Variants in MINDY4 observed in about 807,000 individuals in gnomAD.
MINDY4 encodes the protein probable ubiquitin carboxyl-terminal hydrolase MINDY-4.
A neutral mutation model predicts 87.0 loss-of-function variants in MINDY4; 68 were observed. That is an observed-to-expected ratio of 0.78 (90% CI 0.64 to 0.96). MINDY4 has a LOEUF of 0.96. Ranked by LOEUF, MINDY4 falls within the 40% of genes least tolerant of loss-of-function variation. The pLI, the probability that MINDY4 is intolerant of heterozygous loss-of-function variation, is 0.00. For synonymous variants in MINDY4, 379 were observed against 363.2 expected (o/e 1.04, Z -0.50); for missense variants, 919 against 928.2 (o/e 0.99, Z 0.13).
intron 9 of MINDY4, among the ~76,000 whole-genome samples, chr7:30,841,187 C>T (rs755417188): frequency 3.3e-5 from 5 of 152,186 alleles, no homozygotes; most frequent in Admixed American, 1.3e-4. Context: ...CGACTGCGTC[C>T]GGGCCTCCCT....
At chr7:30,784,542 C>T (rs564233869) in intron 3 of MINDY4, among the ~76,000 whole-genome samples, 4 of 152,316 alleles carry the variant, frequency 2.6e-5, no homozygotes, top group South Asian at 4.1e-4. Flanking sequence ...CTGGCCATGC[C>T]GCTATCCTGC....
At chr7:30,805,886 C>T (rs1269162534) in intron 5 of MINDY4, among the ~76,000 whole-genome samples, 1 of 152,130 alleles carries the variant, frequency 6.6e-6, no homozygotes, top group Non-Finnish European at 1.5e-5. Flanking sequence ...GTTTGTGAGC[C>T]ATGTTTGCAC....
intron 9 of MINDY4, among the ~76,000 whole-genome samples, chr7:30,841,944 C>A (rs1289568684): frequency 6.6e-6 from 1 of 152,146 alleles, no homozygotes; most frequent in African/African-American, 2.4e-5. Context: ...AGGTGTTACC[C>A]AGACAACAAG....
chr7:30,887,160 C>T (rs1249798142), intron 17 of MINDY4, among the ~76,000 whole-genome samples: 2 of 152,198 alleles, frequency 1.3e-5, no homozygotes, highest in Non-Finnish European at 2.9e-5. Context: ...CGGAACCTCC[C>T]GTTCAGCTTC....
chr7:30,877,822 CTTTTTTTTTTTTTTT>C (rs60164229), intron 15 of MINDY4, among the ~76,000 whole-genome samples: 2,267 of 47,488 alleles, frequency 0.048, 110 homozygotes, highest in African/African-American at 0.14. Flanking sequence ...CAGGGACATG[CTTTTTTTTTTTTTTT>C]TTTTTTTTTT....
intron 17 of MINDY4, among the ~76,000 whole-genome samples, chr7:30,891,679 C>T (rs1790795567): frequency 6.6e-6 from 1 of 152,164 alleles, no homozygotes; most frequent in African/African-American, 2.4e-5. Flanking sequence ...GTGGAGGGCC[C>T]AGCAGTGCCA....
At chr7:30,842,896 C>T (rs556560935) in intron 9 of MINDY4, among the ~76,000 whole-genome samples, 204 of 152,314 alleles carry the variant, frequency 1.3e-3, no homozygotes, top group Non-Finnish European at 2.0e-3. Context: ...CCTGCTGGCT[C>T]CTCTCATTGC....
At position 30,852,285 on chromosome 7, in the gene MINDY4, A is replaced by G; in HGVS notation, c.1611+6A>G. On this transcript the variant is annotated splice_donor_region_variant and intron_variant, in intron 11 of 17. Coordinates refer to ENST00000265299, the MANE Select transcript of MINDY4 (RefSeq NM_032222.3). ...CAGATGGAGTCTTAGAAACAGTACG[A>G]CTTTCTGGAAAATTATCACGCAAAC... is the stretch of plus-strand genomic sequence containing the variant. 6.2e-7 allele frequency: 1 copy of G among 1,614,006 alleles called. No individual in the cohort carries two copies. The highest frequency in any genetic ancestry group is 1.3e-5 in the African/African-American group (1 of 75,014).
intron 5 of MINDY4, among the ~76,000 whole-genome samples, chr7:30,806,695 G>A (rs982772626): frequency 1.2e-4 from 18 of 152,260 alleles, no homozygotes; most frequent in Admixed American, 7.2e-4. Context: ...AAACGTTTGT[G>A]GATTGAATGA....
At chr7:30,799,947 T>C (rs1787598058) in intron 5 of MINDY4, among the ~76,000 whole-genome samples, 1 of 152,112 alleles carries the variant, frequency 6.6e-6, no homozygotes, top group Non-Finnish European at 1.5e-5. Context: ...AGTCCCATGT[T>C]TAAGGCAAGG....
At position 30,882,270 on chromosome 7, in the gene MINDY4, G is replaced by T; in HGVS notation, c.2061G>T (p.Gly687=). 2 of 1,614,008 alleles carry T rather than the reference G, an allele frequency of 1.2e-6. No homozygotes were observed. Among genetic ancestry groups the T allele is most frequent in the Non-Finnish European group, 8.5e-7 (1 of 1,179,894 alleles). The change falls in exon 16 of 18, where the codon GGG becomes GGT. Residue 687 remains glycine, a synonymous_variant. Coordinates refer to ENST00000265299, the MANE Select transcript of MINDY4 (RefSeq NM_032222.3). ...HFSILFSLQP[G]LLRDWRTERL... The stretch of plus-strand genomic sequence containing the variant: ...GCATCCTCTTTAGCCTGCAGCCGGG[G>T]CTCCTGCGTGACTGGAGGACTGAGA...
chr7:30,831,108 CT>C (rs1311013757), intron 6 of MINDY4, among the ~76,000 whole-genome samples: 1 of 152,142 alleles, frequency 6.6e-6, no homozygotes, highest in Non-Finnish European at 1.5e-5. Flanking sequence ...TGTTGGGATA[CT>C]GGTGAGGGGC....
intron 8 of MINDY4, 147 bp from the exon 9 acceptor site, chr7:30,840,613 G>T: frequency 1.6e-6 from 1 of 623,638 alleles, no homozygotes; most frequent in East Asian, 2.7e-5. Flanking sequence ...GTGTGTTGTA[G>T]AAGCAGTTGC....
chr7:30,814,061 T>C (rs1788082096), intron 5 of MINDY4, among the ~76,000 whole-genome samples: 1 of 152,146 alleles, frequency 6.6e-6, no homozygotes, highest in Non-Finnish European at 1.5e-5. Flanking sequence ...TAAATTACTT[T>C]AAAAAATACT....
rs928402676 is a variant in MINDY4, at chr7:30,890,569, T to C, written c.2226-1388T>C. On this transcript the variant is annotated intron_variant, in intron 17 of 17. Coordinates refer to ENST00000265299, the MANE Select transcript of MINDY4 (RefSeq NM_032222.3). Reference sequence around the variant, plus strand: ...GGAATGGTGTAAAGTATTCAAAATATGCAAGGGGAAAATTTAGTCTTTACA... The same window carrying C: ...GGAATGGTGTAAAGTATTCAAAATACGCAAGGGGAAAATTTAGTCTTTACA... 2.6e-4 allele frequency among the ~76,000 whole-genome samples: 39 copies of C among 152,232 alleles called. 1 individual carries two copies. Among genetic ancestry groups the C allele is most frequent in the African/African-American group, 9.4e-4 (39 of 41,456 alleles).
intron 5 of MINDY4, among the ~76,000 whole-genome samples, chr7:30,824,180 T>G (rs1307090848): frequency 6.6e-6 from 1 of 152,232 alleles, no homozygotes; most frequent in Non-Finnish European, 1.5e-5. Flanking sequence ...TCACATCTAA[T>G]GAGGGCCTTC....
chr7:30,882,277 C>A lies in MINDY4; in HGVS notation c.2068C>A (p.Arg690Ser). Residue 690 changes from arginine to serine, a missense_variant, in exon 16 of 18, where the codon CGT becomes AGT. By Grantham distance (110) the Arg-to-Ser change is moderately radical. Coordinates refer to ENST00000265299, the MANE Select transcript of MINDY4 (RefSeq NM_032222.3). ...CTTTAGCCTGCAGCCGGGGCTCCTG[C>A]GTGACTGGAGGACTGAGAGGCTCTT... ...ILFSLQPGLLRDWRTERLFDL... is the reference protein window; with the variant it reads ...ILFSLQPGLLSDWRTERLFDL... The A allele has an allele frequency of 6.2e-7, 1 of 1,613,998 alleles. No individual in the cohort carries two copies. Among genetic ancestry groups the A allele is most frequent in the Middle Eastern group, 1.7e-4 (1 of 6,058 alleles).
intron 15 of MINDY4, among the ~76,000 whole-genome samples, chr7:30,877,168 C>T (rs768188239): frequency 3.3e-5 from 5 of 152,116 alleles, no homozygotes; most frequent in East Asian, 1.9e-4. Flanking sequence ...CCAGGGCTCT[C>T]GAGCACCGGA....
intron 3 of MINDY4, among the ~76,000 whole-genome samples, chr7:30,784,004 T>G (rs1787078612): frequency 6.6e-6 from 1 of 152,198 alleles, no homozygotes. Flanking sequence ...CTTAACTTCC[T>G]GGGAATGGGT....
Sources: gnomAD v4.1 joint callset for allele counts (sites outside exome capture counted in the v4.1 genomes callset) on GRCh38, gnomAD v4.1.1 for gene constraint, MANE v1.5 for transcripts, NCBI Gene and HGNC (gene_info 2026-07-23, HGNC 2026-07-21) for gene names.